MAN1C1: variants seen among roughly 807,000 people sequenced by gnomAD.
The protein encoded by MAN1C1 is mannosidase alpha class 1C member 1.
MAN1C1 carries 49 observed loss-of-function variants against 71.5 expected under a neutral mutation model. That is an observed-to-expected ratio of 0.69 (90% CI 0.54 to 0.87). The LOEUF is 0.87. Among genes scored for constraint, MAN1C1 ranks in the 40% least tolerant of loss-of-function variants. MAN1C1 has a pLI of 0.00. For missense variants in MAN1C1, 743 were observed against 835.0 expected (o/e 0.89, Z 1.36); for synonymous variants, 352 against 343.7 (o/e 1.02, Z -0.27).
In MAN1C1 at chr1:25,776,965, A is replaced by G. The variant is rs1294182667; in HGVS notation, c.1258-1140A>G. ...TAGGAAACTGAGGCACAGAGAGAAC[A>G]TACAACCTGCCCAGTGTCACACAGC... On this transcript the variant is annotated intron_variant, in intron 8 of 11. Coordinates refer to ENST00000374332, the MANE Select transcript of MAN1C1 (RefSeq NM_020379.4). This position sits in a 1 kb window ranked among gnomAD's most constrained non-coding sequence, Gnocchi z 4.3. Among the ~76,000 whole-genome samples, 1 of 152,216 alleles carries G rather than the reference A, an allele frequency of 6.6e-6. No individual in the cohort carries two copies. Among genetic ancestry groups the G allele is most frequent in the Non-Finnish European group, 1.5e-5 (1 of 68,036 alleles).
At chr1:25,620,577 G>GAAA (rs1436601134) in intron 1 of MAN1C1, among the ~76,000 whole-genome samples, 7 of 152,162 alleles carry the variant, frequency 4.6e-5, no homozygotes, top group African/African-American at 1.7e-4. Flanking sequence ...TCATGCCCAG[G>GAAA]GGTAGATCAT....
intron 2 of MAN1C1, among the ~76,000 whole-genome samples, chr1:25,721,874 T>G (rs999266629): frequency 1.4e-4 from 22 of 152,242 alleles, no homozygotes; most frequent in African/African-American, 5.3e-4. Context: ...ATAAGTGTGA[T>G]GTGAGCTGTG....
intron 2 of MAN1C1, 117 bp downstream of exon 2, chr1:25,686,653 A>G (rs1048128677): frequency 2.5e-6 from 2 of 799,362 alleles, no homozygotes; most frequent in South Asian, 1.6e-5. Context: ...ACAGTTCTCC[A>G]GATCTGGGGC....
intron 2 of MAN1C1, among the ~76,000 whole-genome samples, chr1:25,708,357 A>G (rs569155381): frequency 3.9e-5 from 6 of 152,286 alleles, no homozygotes; most frequent in South Asian, 2.1e-4. Flanking sequence ...GCATGCTAAT[A>G]TATTATAATT....
chr1:25,771,797 C>T (rs1342266396), intron 8 of MAN1C1, 25 bp downstream of exon 8: 2 of 1,576,554 alleles, frequency 1.3e-6, no homozygotes, highest in East Asian at 4.5e-5. Context: ...GGATTATTCA[C>T]AGGCCGCTGG....
chr1:25,617,118 C>G lies in MAN1C1; in HGVS notation c.-680C>G, dbSNP rs1378604602. 2.0e-5 allele frequency among the ~76,000 whole-genome samples: 3 copies of G among 151,804 alleles called. No individual in the cohort carries two copies. Among genetic ancestry groups the G allele is most frequent in the Non-Finnish European group, 4.4e-5 (3 of 67,902 alleles). On this transcript the variant is annotated 5_prime_UTR_variant, in exon 1 of 12. Coordinates refer to ENST00000374332, the MANE Select transcript of MAN1C1 (RefSeq NM_020379.4). The surrounding 1 kb of genome is among the most constrained non-coding windows in gnomAD (Gnocchi z 5.1). Reference sequence around the variant, plus strand: ...TGGGGCCCGGGGGAAGCCCCCTGCCCCCGCAGGCTCGGAAGTGCCTGCTCC... The same window carrying G: ...TGGGGCCCGGGGGAAGCCCCCTGCCGCCGCAGGCTCGGAAGTGCCTGCTCC...
At chr1:25,780,865 T>C (rs2047683014) in intron 9 of MAN1C1, 75 bp from the exon 10 acceptor site, 12 of 1,513,854 alleles carry the variant, frequency 7.9e-6, no homozygotes, top group Non-Finnish European at 1.1e-5. Flanking sequence ...TCAAGGCAAC[T>C]GACATCTCTC....
intron 2 of MAN1C1, among the ~76,000 whole-genome samples, chr1:25,700,309 T>C (rs1480056132): frequency 1.3e-5 from 2 of 152,232 alleles, no homozygotes; most frequent in African/African-American, 4.8e-5. Flanking sequence ...GCCTTCCTTC[T>C]AGCACGCAGG....
rs752759352 is a variant in MAN1C1 at position 25,781,078 on chromosome 1, CCATCTACAGGGAGTG to C, written c.1617_1631del (p.Ile540_Trp544del). The stretch of plus-strand genomic sequence containing the variant: ...TACCTGTGGCGACAGACCCACAACC[CCATCTACAGGGAGTG>C]GGGCTGGGAGGTGGTGCTGGTGAGT... On this transcript the variant is annotated inframe_deletion, in exon 10 of 12. Transcript: ENST00000374332. 1 of 1,614,058 alleles carries C rather than the reference CCATCTACAGGGAGTG, an allele frequency of 6.2e-7. No individual in the cohort carries two copies. The highest frequency in any genetic ancestry group is 8.5e-7 in the Non-Finnish European group (1 of 1,180,010).
At position 25,617,692 on chromosome 1, in the gene MAN1C1, C is replaced by T; in HGVS notation, c.-106C>T. ...AACTCTCAGGGTTGGCAACCCTGCCCAGGGACCCCCATCCCGGGCGGCGCT... is the reference window on the plus strand; with the variant it reads ...AACTCTCAGGGTTGGCAACCCTGCCTAGGGACCCCCATCCCGGGCGGCGCT... On this transcript the variant is annotated 5_prime_UTR_variant, in exon 1 of 12. Coordinates refer to ENST00000374332, the MANE Select transcript of MAN1C1 (RefSeq NM_020379.4). This position sits in a 1 kb window ranked among gnomAD's most constrained non-coding sequence, Gnocchi z 5.1. 2 of 1,094,104 alleles carry T rather than the reference C, an allele frequency of 1.8e-6. No homozygotes were observed. The highest frequency in any genetic ancestry group is 2.5e-6 in the Non-Finnish European group (2 of 788,830). The allele number at this position is 1,094,104 out of a possible 1,614,324, so 67.8% of individuals were successfully genotyped here.
At chr1:25,656,516 T>G (rs2045770195) in intron 1 of MAN1C1, among the ~76,000 whole-genome samples, 1 of 152,240 alleles carries the variant, frequency 6.6e-6, no homozygotes, top group Admixed American at 6.5e-5. Flanking sequence ...ACTGAAATAC[T>G]TTCTTCAATG....
intron 1 of MAN1C1, among the ~76,000 whole-genome samples, chr1:25,619,348 T>TCC (rs2045169884): frequency 6.6e-6 from 1 of 152,206 alleles, no homozygotes; most frequent in Non-Finnish European, 1.5e-5. Flanking sequence ...AAGGGCTGCT[T>TCC]CTGCCTGGAC....
chr1:25,747,901 T>C (rs1156928951), intron 3 of MAN1C1, among the ~76,000 whole-genome samples: 1 of 151,974 alleles, frequency 6.6e-6, no homozygotes, highest in Non-Finnish European at 1.5e-5. Flanking sequence ...TATAACACTA[T>C]GAAGTCTGAT....
intron 2 of MAN1C1, among the ~76,000 whole-genome samples, chr1:25,741,012 G>A (rs1237925351): frequency 6.6e-6 from 1 of 152,084 alleles, no homozygotes; most frequent in Non-Finnish European, 1.5e-5. Flanking sequence ...ACAGCTCTTG[G>A]GAGGAGGACA....
chr1:25,730,968 G>A lies in MAN1C1; in HGVS notation c.638-15700G>A, dbSNP rs1213172285. Among the ~76,000 whole-genome samples, 1 of 152,198 alleles carries A rather than the reference G, an allele frequency of 6.6e-6. No homozygotes were observed. The highest frequency in any genetic ancestry group is 1.5e-5 in the Non-Finnish European group (1 of 68,026). On this transcript the variant is annotated intron_variant, in intron 2 of 11. Coordinates refer to ENST00000374332, the MANE Select transcript of MAN1C1 (RefSeq NM_020379.4). The surrounding 1 kb of genome is among the most constrained non-coding windows in gnomAD (Gnocchi z 4.3). Reference sequence around the variant, plus strand: ...ACAGGCTGGTAAGCCACAGAGCCAAGGCACATGGTTTGACCACAAGCCTGT... The same window carrying A: ...ACAGGCTGGTAAGCCACAGAGCCAAAGCACATGGTTTGACCACAAGCCTGT...
rs113711670 is a variant in MAN1C1 at position 25,628,650 on chromosome 1, G to C, written c.540+10313G>C. Among the ~76,000 whole-genome samples the C allele has an allele frequency of 9.0e-3, 1,366 of 152,182 alleles. 26 individuals are homozygous for C. The highest frequency in any genetic ancestry group is 0.032 in the African/African-American group (1,318 of 41,520). The stretch of plus-strand genomic sequence containing the variant: ...AGCTTTTGGAGTGCAAGTGGTCTTT[G>C]GTTACATGGATGAATTATATAGTGG... On this transcript the variant is annotated intron_variant, in intron 1 of 11. Coordinates refer to ENST00000374332, the MANE Select transcript of MAN1C1 (RefSeq NM_020379.4).
chr1:25,774,216 A>G (rs1400250031), intron 8 of MAN1C1, among the ~76,000 whole-genome samples: 1 of 152,198 alleles, frequency 6.6e-6, no homozygotes, highest in Non-Finnish European at 1.5e-5. Context: ...TCCAGCTGGG[A>G]TGGACCGGGG....
chr1:25,625,501 C>T (rs1220260022), intron 1 of MAN1C1, among the ~76,000 whole-genome samples: 1 of 152,092 alleles, frequency 6.6e-6, no homozygotes, highest in Non-Finnish European at 1.5e-5. Flanking sequence ...ATTAGTTTTG[C>T]CTGTTCTAGA....
At chr1:25,626,240 T>C (rs1233567654) in intron 1 of MAN1C1, among the ~76,000 whole-genome samples, 2 of 152,258 alleles carry the variant, frequency 1.3e-5, no homozygotes, top group African/African-American at 4.8e-5. Flanking sequence ...TGCCAACACT[T>C]GTTATTGTCA....
Sources: gnomAD v4.1 joint callset for allele counts (sites outside exome capture counted in the v4.1 genomes callset) on GRCh38, gnomAD v4.1.1 for gene constraint, Gnocchi (gnomAD v3.1) non-coding constraint, MANE v1.5 for transcripts, NCBI Gene and HGNC (gene_info 2026-07-23, HGNC 2026-07-21) for gene names.